Variants in ZNF564 observed in about 807,000 individuals in gnomAD.
The protein encoded by ZNF564 is zinc finger protein 564.
Under a neutral mutation model 10.5 loss-of-function variants are expected in ZNF564, and 5 were observed. The observed-to-expected ratio is 0.48, with a 90% CI of 0.25 to 1.00. The LOEUF (loss-of-function observed/expected upper bound fraction) is 1.00, where lower values mean the gene tolerates loss of function less well. Among genes scored for constraint, ZNF564 ranks in the 50% least tolerant of loss-of-function variants. The pLI is 0.16. For synonymous variants in ZNF564, 242 were observed against 218.1 expected, an observed-to-expected ratio of 1.11 and a Z score of -0.97; for missense variants, 603 against 669.7, an observed-to-expected ratio of 0.90 and a Z score of 1.10.
intron 1 of ZNF564, chr19:12,550,530 C>A (rs1468377437): frequency 3.8e-6 from 1 of 260,692 alleles, no homozygotes; most frequent in Non-Finnish European, 8.2e-6. Flanking sequence ...GCGGCGCATG[C>A]CTGTAATCCC....
At chr19:12,532,517 AGAGC>A (rs2145070926) in intron 1 of ZNF564, among the ~76,000 whole-genome samples, 1 of 134,650 alleles carries the variant, frequency 7.4e-6, no homozygotes, top group Non-Finnish European at 1.5e-5. Context: ...CCTGGGCGAC[AGAGC>A]GAGACTCCGT....
chr19:12,548,983 C>T (rs998432405), intron 1 of ZNF564: 4 of 661,358 alleles, frequency 6.0e-6, no homozygotes, highest in African/African-American at 3.6e-5. Context: ...GATTCTTATC[C>T]GCAGTAGCAT....
At chr19:12,548,099 C>T (rs943928586) in intron 1 of ZNF564, 7 of 934,594 alleles carry the variant, frequency 7.5e-6, no homozygotes, top group Admixed American at 6.2e-5. Context: ...TGAGCCACCA[C>T]GCCCAGTTTC....
At chr19:12,544,913 G>A (rs1229347888) in intron 1 of ZNF564, among the ~76,000 whole-genome samples, 1 of 152,142 alleles carries the variant, frequency 6.6e-6, no homozygotes, top group Non-Finnish European at 1.5e-5. Context: ...ACATTCAGAA[G>A]GTTAAACAAG....
chr19:12,549,536 C>T (rs974276858), intron 1 of ZNF564, among the ~76,000 whole-genome samples: 1 of 152,220 alleles, frequency 6.6e-6, no homozygotes. Flanking sequence ...GTTTTCCTCC[C>T]TTCACTAGAC....
intron 1 of ZNF564, among the ~76,000 whole-genome samples, chr19:12,533,630 G>A (rs2021849846): frequency 7.4e-6 from 1 of 134,946 alleles, no homozygotes; most frequent in Non-Finnish European, 1.5e-5. Flanking sequence ...AGTAGGCTGA[G>A]ATACAAGAAT....
chr19:12,536,468 C>T (rs1339754383), intron 1 of ZNF564, among the ~76,000 whole-genome samples: 4 of 152,286 alleles, frequency 2.6e-5, no homozygotes, highest in African/African-American at 9.6e-5. Context: ...TAAGCCACCA[C>T]GCCTGGCCCA....
chr19:12,536,152 A>C (rs1368452816), intron 1 of ZNF564, among the ~76,000 whole-genome samples: 4 of 152,142 alleles, frequency 2.6e-5, no homozygotes, highest in African/African-American at 9.7e-5. Flanking sequence ...GAGACTCATG[A>C]CTGAAAAGTA....
At position 12,528,692 on chromosome 19, in the gene ZNF564, G is replaced by A. The variant is rs893685798; in HGVS notation, c.8C>T (p.Ser3Leu). ...CACAGCCACATCCTCAGAGGCCACTGAGTCCTAAAACATCCCAAATATGCA... is the reference window on the plus strand; with the variant it reads ...CACAGCCACATCCTCAGAGGCCACTAAGTCCTAAAACATCCCAAATATGCA... MD[S>L]VASEDVAVNF... The change falls in exon 2 of 4, where the codon TCA (serine) becomes TTA (leucine). Residue 3 changes from serine to leucine, a missense_variant. Coordinates refer to ENST00000339282, the MANE Select transcript of ZNF564 (RefSeq NM_144976.4). 6.2e-7 allele frequency: 1 copy of A among 1,611,388 alleles called. No homozygotes were observed. The highest frequency in any genetic ancestry group is 8.5e-7 in the Non-Finnish European group (1 of 1,179,374).
In ZNF564 at chr19:12,528,549, A is replaced by G. The variant is rs150713105; in HGVS notation, c.130+21T>C. 1.2e-4 allele frequency: 201 copies of G among 1,609,288 alleles called. No homozygotes were observed. The African/African-American group carries it at 2.5e-3, about 20-fold the overall frequency. Reference sequence around the variant, plus strand: ...TACTTCTTCTCTAACTGACTAAAAGAAGGAATGATGTCATCCTTACCTACA... The same window carrying G: ...TACTTCTTCTCTAACTGACTAAAAGGAGGAATGATGTCATCCTTACCTACA... On this transcript the variant is annotated intron_variant, in intron 2 of 3. Transcript: ENST00000339282.
chr19:12,542,978 G>C (rs1224415832), intron 1 of ZNF564, among the ~76,000 whole-genome samples: 4 of 151,618 alleles, frequency 2.6e-5, no homozygotes, highest in African/African-American at 9.7e-5. Context: ...CTCTGGCCTG[G>C]GCAATAAGAG....
Position 12,527,051 on chromosome 19 carries a change from G to A in ZNF564, c.1057C>T (p.Arg353Ter), listed in dbSNP as rs765838860. 1.5e-5 allele frequency: 24 copies of A among 1,613,756 alleles called. No individual in the cohort carries two copies. Among genetic ancestry groups the A allele is most frequent in the East Asian group, 2.2e-5 (1 of 44,860 alleles). ...GKTFSSSSNV[R>*]THERTHTGEK... is the part of the protein sequence containing the mutation. ...CCAGTGTGAGTCCTTTCATGTGTTC[G>A]AACATTACTGGAAGAACTGAAGGTT... is the stretch of plus-strand genomic sequence containing the variant. The change falls in exon 4 of 4, where the codon CGA becomes TGA. Residue 353 changes from arginine (R) to a stop codon, truncating the protein, a stop_gained. Transcript: ENST00000339282. LOFTEE classifies it low-confidence loss of function (END_TRUNC).
chr19:12,529,106 G>A (rs1039617209), intron 1 of ZNF564, among the ~76,000 whole-genome samples: 3 of 152,026 alleles, frequency 2.0e-5, no homozygotes, highest in Non-Finnish European at 2.9e-5. Flanking sequence ...TCGACAAAAC[G>A]ATGTGGCAGT....
intron 1 of ZNF564, among the ~76,000 whole-genome samples, chr19:12,528,916 T>C (rs2021745667): frequency 6.6e-6 from 1 of 152,078 alleles, no homozygotes; most frequent in Non-Finnish European, 1.5e-5. Flanking sequence ...ATATATGAAT[T>C]AGCTGGGCGT....
Position 12,527,479 on chromosome 19 carries a change from C to T in ZNF564, c.629G>A (p.Ser210Asn). The T allele has an allele frequency of 1.2e-6, 2 of 1,613,906 alleles. No homozygotes were observed. The highest frequency in any genetic ancestry group is 1.7e-6 in the Non-Finnish European group (2 of 1,179,954). ...QECGKAFDRP[S>N]LFQIHERTHT... is the part of the protein sequence containing the mutation. ...AGTTCTTTCATGTATCTGAAATAAA[C>T]TTGGGCGATCAAAGGCTTTCCCACA... Residue 210 changes from serine to asparagine, a missense_variant, in exon 4 of 4, where the codon AGT (serine) becomes AAT (asparagine). Transcript: ENST00000339282.
At position 12,528,341 on chromosome 19, in the gene ZNF564, T is replaced by C. The variant is rs2021734325; in HGVS notation, c.154A>G (p.Ile52Val). The change falls in exon 3 of 4, where the codon ATT becomes GTT. Residue 52 changes from isoleucine to valine, a missense_variant. Transcript: ENST00000339282. ...CVGKKWEDQS[I>V]EDWYKNQGRI... ...CCCTGATTTTTGTACCAATCTTCAA[T>C]GCTCTGGTCTTCCCATTTTTTTCCT... The C allele has an allele frequency of 1.2e-6, 2 of 1,609,828 alleles. No homozygotes were observed. The highest frequency in any genetic ancestry group is 1.3e-5 in the African/African-American group (1 of 74,614).
At chr19:12,550,493 CA>C in intron 1 of ZNF564, 6 of 280,284 alleles carry the variant, frequency 2.1e-5, no homozygotes, top group Admixed American at 3.9e-5. Context: ...CAGTTTCTAC[CA>C]AAAATACAAA....
intron 1 of ZNF564, chr19:12,548,728 T>A (rs887261293): frequency 1.0e-5 from 7 of 694,888 alleles, no homozygotes; most frequent in Admixed American, 4.1e-5. Context: ...GTTACTTCCA[T>A]GACAACTTCT....
intron 1 of ZNF564, among the ~76,000 whole-genome samples, chr19:12,529,550 G>C (rs2021759595): frequency 2.6e-5 from 4 of 151,894 alleles, no homozygotes; most frequent in Admixed American, 1.3e-4. Context: ...AGGTTGCAGT[G>C]AGCTGAGATC....
Sources: gnomAD v4.1 joint callset for allele counts (sites outside exome capture counted in the v4.1 genomes callset) on GRCh38, gnomAD v4.1.1 for gene constraint, MANE v1.5 for transcripts, NCBI Gene and HGNC (gene_info 2026-07-23, HGNC 2026-07-21) for gene names.